The following WT1 variants were observed in gnomAD, a reference collection of about 807,000 sequenced individuals.
The protein encoded by WT1 is Wilms tumor protein.
Under a neutral mutation model 60.8 loss-of-function variants are expected in WT1, and 8 were observed. That is an observed-to-expected ratio of 0.13 (90% CI 0.08 to 0.24). WT1 has a LOEUF of 0.24. Among genes scored for constraint, WT1 ranks in the 10% least tolerant of loss-of-function variants. WT1 has a pLI of 1.00. For synonymous variants in WT1, 312 were observed against 297.1 expected (o/e 1.05, Z -0.52); for missense variants, 568 against 711.8 (o/e 0.80, Z 2.30).
intron 5 of WT1, among the ~76,000 whole-genome samples, chr11:32,410,759 A>C (rs561828592): frequency 2.3e-4 from 35 of 152,334 alleles, no homozygotes; most frequent in African/African-American, 7.7e-4. Context: ...TGTTGTTTTA[A>C]AAATGAAGAG....
chr11:32,390,177 A>T (rs1405822548), intron 9 of WT1, among the ~76,000 whole-genome samples: 1 of 152,188 alleles, frequency 6.6e-6, no homozygotes, highest in East Asian at 1.9e-4. Flanking sequence ...TTAAGGAAGA[A>T]TGCACAGAAG....
In WT1 at chr11:32,429,146, C is replaced by T. The variant is rs1853175541; in HGVS notation, c.662-527G>A. On this transcript the variant is annotated intron_variant, in intron 1 of 9. Coordinates refer to ENST00000452863, the MANE Select transcript of WT1 (RefSeq NM_024426.6). ...TCTTAAAAATGGGAAGAGTAATTAC[C>T]GAGTAATGTTATCTGTCTGGGGCTA... 4 of 244,898 alleles carry T rather than the reference C, an allele frequency of 1.6e-5. No individual in the cohort carries two copies. In the South Asian group the frequency reaches 2.3e-4, roughly 14 times the overall value. 15.2% of individuals were successfully genotyped at this position (244,898 alleles called of 1,614,324 possible).
chr11:32,435,014 G>A lies in WT1; in HGVS notation c.347C>T (p.Pro116Leu), dbSNP rs886048229. ...CAACGACCCGTAAGCCGAAGCGCCC[G>A]GGGGCGCAAAGTCCAGCACCGGCGC... Residue 116 changes from proline (P) to leucine (L), a missense_variant, in exon 1 of 10, where the codon CCG becomes CTG. Transcript: ENST00000452863. The A allele has an allele frequency of 6.0e-6, 9 of 1,487,664 alleles. No individual in the cohort carries two copies. The highest frequency in any genetic ancestry group is 8.0e-6 in the Non-Finnish European group (9 of 1,129,246). The allele number at this position is 1,487,664 out of a possible 1,614,324, so 92.2% of individuals were successfully genotyped here. A position where few individuals can be genotyped will look rare whatever the true frequency, so the allele number is the denominator to read the frequency against.
intron 4 of WT1, 57 bp from the exon 5 acceptor site, chr11:32,416,597 C>T: frequency 1.9e-6 from 3 of 1,596,738 alleles, no homozygotes; most frequent in African/African-American, 1.3e-5. Context: ...ATCTGGCAAG[C>T]CCCCCAGATC....
intron 5 of WT1, among the ~76,000 whole-genome samples, chr11:32,408,027 A>C (rs1852370832): frequency 6.6e-6 from 1 of 151,874 alleles, no homozygotes; most frequent in South Asian, 2.1e-4. Context: ...GCTTGAGGCC[A>C]GCCTGGCTAA....
In WT1 at chr11:32,435,477, C is replaced by A. The variant is rs1367419836; in HGVS notation, c.-117G>T. On this transcript the variant is annotated 5_prime_UTR_variant, in exon 1 of 10. Transcript: ENST00000452863. ...GGCGGGAAGTGGGGGAGCGGACAGG[C>A]GGTCGGGTTGCGGAGAGCCCCCGGG... 2 of 1,439,032 alleles carry A rather than the reference C, an allele frequency of 1.4e-6. No homozygotes were observed. The highest frequency in any genetic ancestry group is 2.5e-5 in the East Asian group (1 of 39,332). 89.1% of individuals were successfully genotyped at this position (1,439,032 alleles called of 1,614,324 possible).
chr11:32,420,889 A>G (rs1438785807), intron 3 of WT1, among the ~76,000 whole-genome samples: 1 of 152,164 alleles, frequency 6.6e-6, no homozygotes, highest in Non-Finnish European at 1.5e-5. Context: ...TTAGCCTGCA[A>G]ACTCTCAGAA....
intron 5 of WT1, among the ~76,000 whole-genome samples, chr11:32,410,740 A>G (rs1852471260): frequency 6.6e-6 from 1 of 152,240 alleles, no homozygotes; most frequent in South Asian, 2.1e-4. Flanking sequence ...AGGCATACAG[A>G]ACTACATCTG....
chr11:32,429,998 G>GA (rs112676245), intron 1 of WT1, among the ~76,000 whole-genome samples: 35,016 of 137,122 alleles, frequency 0.26, 6,608 homozygotes, highest in African/African-American at 0.53. Flanking sequence ...AAAAGAAAAA[G>GA]AAAAAAAAAA....
rs79477411 is a variant in WT1 at position 32,413,643 on chromosome 11, A to G, written c.1016+2847T>C. Among the ~76,000 whole-genome samples, 1,002 of 152,370 alleles carry G rather than the reference A, an allele frequency of 6.6e-3. 8 individuals carry two copies. The highest frequency in any genetic ancestry group is 0.023 in the African/African-American group (950 of 41,590). On this transcript the variant is annotated intron_variant, in intron 5 of 9. Coordinates refer to ENST00000452863, the MANE Select transcript of WT1 (RefSeq NM_024426.6). ...AAAATCAATCTAGTACATCACAATC[A>G]GCATTTTAAAAAATGAAATAGGATA...
intron 7 of WT1, among the ~76,000 whole-genome samples, chr11:32,393,225 G>A (rs577670401): frequency 2.6e-5 from 4 of 152,190 alleles, no homozygotes; most frequent in Non-Finnish European, 1.5e-5. Flanking sequence ...ATGTTTTAGG[G>A]CCCAAAGATC....
chr11:32,423,006 A>G (rs1852904635), intron 3 of WT1, among the ~76,000 whole-genome samples: 1 of 152,230 alleles, frequency 6.6e-6, no homozygotes, highest in Non-Finnish European at 1.5e-5. Flanking sequence ...TGAAGTCGGT[A>G]TAGTCAAGGA....
chr11:32,424,389 G>C (rs997505811), intron 3 of WT1, among the ~76,000 whole-genome samples: 3 of 152,178 alleles, frequency 2.0e-5, no homozygotes, highest in Non-Finnish European at 2.9e-5. Context: ...GCCTCAACGA[G>C]TAGTCAAAAG....
intron 6 of WT1, among the ~76,000 whole-genome samples, chr11:32,397,049 C>G (rs553031564): frequency 2.0e-5 from 3 of 152,366 alleles, no homozygotes; most frequent in African/African-American, 7.2e-5. Flanking sequence ...AATCCATCTG[C>G]CTTCTGTGCT....
In WT1 at chr11:32,390,520, G is replaced by A. The variant is rs5030301; in HGVS notation, c.1448-1341C>T. On this transcript the variant is annotated intron_variant, in intron 9 of 9. Transcript: ENST00000452863. ...GCCAACCATGGGCCACAGGTGCCTT[G>A]GCTCTGTTTTTAAATGCAGCCAATT... is the stretch of plus-strand genomic sequence containing the variant. Among the ~76,000 whole-genome samples the A allele has an allele frequency of 8.4e-3, 1,279 of 152,296 alleles. 19 individuals are homozygous for A. Among genetic ancestry groups the A allele is most frequent in the East Asian group, 0.049 (256 of 5,180 alleles).
intron 5 of WT1, chr11:32,400,473 T>C: frequency 3.0e-6 from 1 of 328,952 alleles, no homozygotes. Context: ...TTTTACCAGA[T>C]AGCACCAAAA....
Position 32,428,031 on chromosome 11 carries a change from G to C in WT1, c.812C>G (p.Pro271Arg), listed in dbSNP as rs1226711237. Reference sequence around the variant, plus strand: ...GGTGGGGGTGTGGCAGCCATAGACCGGGGGCGGCACCGAGTACTGCTGCTC... The same window carrying C: ...GGTGGGGGTGTGGCAGCCATAGACCCGGGGCGGCACCGAGTACTGCTGCTC... The change falls in exon 3 of 10, where the codon CCG becomes CGG. Residue 271 changes from proline (P) to arginine (R), a missense_variant. Physicochemically the swap from Pro to Arg is moderately radical, Grantham distance 103. Coordinates refer to ENST00000452863, the MANE Select transcript of WT1 (RefSeq NM_024426.6). The C allele has an allele frequency of 6.2e-7, 1 of 1,608,414 alleles. No homozygotes were observed. The highest frequency in any genetic ancestry group is 8.5e-7 in the Non-Finnish European group (1 of 1,176,848).
Position 32,435,394 on chromosome 11 carries a change from C to G in WT1, c.-34G>C, listed in dbSNP as rs2133108419. ...CGAGGAGACGGCGGGGCCCGGGCGC[C>G]TGGGCTGCCGTCCCGGCTCTGGGTG... On this transcript the variant is annotated 5_prime_UTR_variant, in exon 1 of 10. Coordinates refer to ENST00000452863, the MANE Select transcript of WT1 (RefSeq NM_024426.6). 8.2e-7 allele frequency: 1 copy of G among 1,222,080 alleles called. No individual in the cohort carries two copies. The allele number at this position is 1,222,080 out of a possible 1,614,324, so 75.7% of individuals were successfully genotyped here.
At chr11:32,391,507 C>A (rs1367285076) in intron 9 of WT1, among the ~76,000 whole-genome samples, 1 of 152,168 alleles carries the variant, frequency 6.6e-6, no homozygotes, top group African/African-American at 2.4e-5. Context: ...GATACTGGTC[C>A]AGCAGAAACC....
Sources: allele counts gnomAD v4.1 joint callset (sites outside exome capture counted in the v4.1 genomes callset), GRCh38; gene constraint gnomAD v4.1.1; transcripts MANE v1.5; gene names NCBI Gene and HGNC (gene_info 2026-07-23, HGNC 2026-07-21).